ST6GALNAC2: variants seen among roughly 807,000 people sequenced by gnomAD.
ST6GALNAC2 encodes alpha-N-acetylgalactosaminide alpha-2,6-sialyltransferase 2.
Under a neutral mutation model 38.7 loss-of-function variants are expected in ST6GALNAC2, and 42 were observed. The observed-to-expected ratio is 1.09, with a 90% CI of 0.85 to 1.40. ST6GALNAC2 has a LOEUF of 1.40. Ranked by LOEUF, ST6GALNAC2 falls within the 40% of genes most tolerant of loss-of-function variation. The probability of loss-of-function intolerance (pLI) is 0.00; values close to 1 mark genes in which losing one functional copy is unlikely to be tolerated. For synonymous variants in ST6GALNAC2, 233 were observed against 209.0 expected (o/e 1.11, Z -0.99); for missense variants, 506 against 481.7 (o/e 1.05, Z -0.47).
intron 1 of ST6GALNAC2, 49 bp downstream of exon 1, chr17:76,585,635 C>A: frequency 1.4e-6 from 2 of 1,475,012 alleles, no homozygotes; most frequent in South Asian, 1.3e-5. Flanking sequence ...ACCCTCCCCG[C>A]GCCCTGGTCG....
At chr17:76,572,250 C>G (rs2075360412) in intron 5 of ST6GALNAC2, among the ~76,000 whole-genome samples, 1 of 152,132 alleles carries the variant, frequency 6.6e-6, no homozygotes, top group Non-Finnish European at 1.5e-5. Flanking sequence ...CCAAAGAATG[C>G]CAGCTCTCGA....
chr17:76,575,569 G>A (rs912838175), intron 2 of ST6GALNAC2, among the ~76,000 whole-genome samples: 2 of 152,208 alleles, frequency 1.3e-5, no homozygotes, highest in African/African-American at 2.4e-5. Flanking sequence ...CGGAGGGAGC[G>A]TGGCCCTGCC....
chr17:76,567,553 C>G lies in ST6GALNAC2; in HGVS notation c.858-1G>C. 6.2e-7 allele frequency: 1 copy of G among 1,608,690 alleles called. No homozygotes were observed. The highest frequency in any genetic ancestry group is 8.5e-7 in the Non-Finnish European group (1 of 1,175,664). Reference sequence around the variant, plus strand: ...GTTAATCAACTTTGATTTCAAGAACCTGGAAGCAAAAAGAGACATTTCAGC... The same window carrying G: ...GTTAATCAACTTTGATTTCAAGAACGTGGAAGCAAAAAGAGACATTTCAGC... On this transcript the variant is annotated splice_acceptor_variant, in intron 7 of 8. Transcript: ENST00000225276. LOFTEE classifies it high-confidence loss of function.
At chr17:76,584,917 A>C (rs1005403364) in intron 1 of ST6GALNAC2, among the ~76,000 whole-genome samples, 1 of 152,190 alleles carries the variant, frequency 6.6e-6, no homozygotes, top group African/African-American at 2.4e-5. Context: ...CGCCTTTCTT[A>C]AGCTAAGCGA....
Position 76,585,775 on chromosome 17 carries a change from G to T in ST6GALNAC2, c.34C>A (p.Leu12Met). The T allele has an allele frequency of 6.4e-7, 1 of 1,555,350 alleles. No homozygotes were observed. The highest frequency in any genetic ancestry group is 1.9e-5 in the Admixed American group (1 of 52,760). Residue 12 changes from leucine to methionine, a missense_variant, in exon 1 of 9, where the codon CTG becomes ATG. Coordinates refer to ENST00000225276, the MANE Select transcript of ST6GALNAC2 (RefSeq NM_006456.3). ...GLPRGSFFWL[L>M]LLLTAACSGL... ...GAGCAGGCAGCCGTGAGCAGGAGCA[G>T]CAGCCAGAAGAACGACCCGCGCGGG...
rs766287935 is a variant in ST6GALNAC2 at position 76,573,178 on chromosome 17, GCTCCTACCC to G, written c.530+8_530+16del. The G allele has an allele frequency of 8.7e-7, 1 of 1,149,912 alleles. No individual in the cohort carries two copies. Among genetic ancestry groups the G allele is most frequent in the East Asian group, 2.6e-5 (1 of 38,058 alleles). 71.2% of individuals were successfully genotyped at this position (1,149,912 alleles called of 1,614,324 possible). ...CAACTCTCCCTCCCGCCCCTCCCCA[GCTCCTACCC>G]CTCATACCTGAATACATAGTCATGG... On this transcript the variant is annotated splice_region_variant and intron_variant, in intron 4 of 8. Coordinates refer to ENST00000225276, the MANE Select transcript of ST6GALNAC2 (RefSeq NM_006456.3). This position sits in a 1 kb window ranked among gnomAD's most constrained non-coding sequence, Gnocchi z 5.1.
At chr17:76,578,922 C>T (rs2075446865) in intron 1 of ST6GALNAC2, 106 bp from the exon 2 acceptor site, 1 of 935,110 alleles carries the variant, frequency 1.1e-6, no homozygotes, top group Non-Finnish European at 1.6e-6. Flanking sequence ...CAAAGTCTGT[C>T]TGTGCCCATC....
At chr17:76,581,818 T>G (rs528887451) in intron 1 of ST6GALNAC2, among the ~76,000 whole-genome samples, 1 of 152,286 alleles carries the variant, frequency 6.6e-6, no homozygotes, top group South Asian at 2.1e-4. Flanking sequence ...GCTGCGTTTT[T>G]CAGAAAGCTA....
At position 76,566,194 on chromosome 17, in the gene ST6GALNAC2, C is replaced by CA. The variant is rs754681017; in HGVS notation, c.1034dup (p.Leu345PhefsTer36). 2.5e-6 allele frequency: 4 copies of CA among 1,614,106 alleles called. No individual in the cohort carries two copies. Among genetic ancestry groups the CA allele is most frequent in the South Asian group, 1.1e-5 (1 of 91,078 alleles). On this transcript the variant is annotated frameshift_variant, in exon 9 of 9. Transcript: ENST00000225276. LOFTEE classifies it low-confidence loss of function (END_TRUNC). ...ACAGATCGTGGTTTGCATAAAATAT[C>CA]AATGGCTTCATTTTTCGTTCGAAAT...
In ST6GALNAC2 at chr17:76,566,185, A is replaced by C; in HGVS notation, c.1044T>G (p.Tyr348Ter). 1.2e-6 allele frequency: 2 copies of C among 1,614,142 alleles called. No homozygotes were observed. Among genetic ancestry groups the C allele is most frequent in the Non-Finnish European group, 1.7e-6 (2 of 1,180,044 alleles). ...FERKMKPLIF[Y>*]ANHDLSLEAA... is the part of the protein sequence containing the mutation. ...CTTCCAGGGACAGATCGTGGTTTGC[A>C]TAAAATATCAATGGCTTCATTTTTC... Residue 348 changes from tyrosine (Y) to a stop codon, truncating the protein, a stop_gained, in exon 9 of 9, where the codon TAT (tyrosine) becomes TAG (stop). Coordinates refer to ENST00000225276, the MANE Select transcript of ST6GALNAC2 (RefSeq NM_006456.3). LOFTEE classifies it low-confidence loss of function (END_TRUNC).
intron 5 of ST6GALNAC2, among the ~76,000 whole-genome samples, chr17:76,571,450 C>T (rs2075353241): frequency 6.6e-6 from 1 of 152,148 alleles, no homozygotes; most frequent in South Asian, 2.1e-4. Context: ...AAAAATTAGC[C>T]AGGCGTGGTG....
intron 1 of ST6GALNAC2, among the ~76,000 whole-genome samples, chr17:76,579,505 G>A (rs561224242): frequency 1.3e-5 from 2 of 152,298 alleles, no homozygotes; most frequent in East Asian, 3.9e-4. Flanking sequence ...TGTGGGTCAC[G>A]CCCACCACTC....
intron 6 of ST6GALNAC2, chr17:76,569,614 G>A: frequency 7.5e-6 from 3 of 398,696 alleles, no homozygotes; most frequent in Non-Finnish European, 1.3e-5. Context: ...AGACTGGGTA[G>A]GGGATGGATT....
chr17:76,573,466 C>G lies in ST6GALNAC2; in HGVS notation c.362-103G>C, dbSNP rs1318631282. ...GTGCCCCATCTCCCCTGAGGCCTGA[C>G]CCTAGCCCCTCCCAAGAAGCACAGA... On this transcript the variant is annotated intron_variant, in intron 3 of 8. Transcript: ENST00000225276. The surrounding 1 kb of genome is among the most constrained non-coding windows in gnomAD (Gnocchi z 5.1). 1 of 1,145,522 alleles carries G rather than the reference C, an allele frequency of 8.7e-7. No individual in the cohort carries two copies. The highest frequency in any genetic ancestry group is 1.2e-6 in the Non-Finnish European group (1 of 854,292). 71.0% of individuals were successfully genotyped at this position (1,145,522 alleles called of 1,614,324 possible). A position where few individuals can be genotyped will look rare whatever the true frequency, so the allele number is the denominator to read the frequency against.
chr17:76,568,910 G>C (rs1460880285), intron 6 of ST6GALNAC2, 114 bp from the exon 7 acceptor site: 1 of 938,748 alleles, frequency 1.1e-6, no homozygotes, highest in South Asian at 1.4e-5. Flanking sequence ...CGGTAGGAGC[G>C]GGGCTGGGAG....
At chr17:76,585,179 G>C (rs2075530241) in intron 1 of ST6GALNAC2, among the ~76,000 whole-genome samples, 2 of 152,300 alleles carry the variant, frequency 1.3e-5, no homozygotes, top group South Asian at 4.1e-4. Flanking sequence ...AGAAGGGAGC[G>C]GGCGCGGGGC....
chr17:76,566,050 TGA>T lies in ST6GALNAC2; in HGVS notation c.*52_*53del. On this transcript the variant is annotated 3_prime_UTR_variant, in exon 9 of 9. Coordinates refer to ENST00000225276, the MANE Select transcript of ST6GALNAC2 (RefSeq NM_006456.3). ...AAAGTTAAAAAAGCTTTTGGCCACT[TGA>T]GAGGATCAGGGCCGCAACTCTTGAA... is the stretch of plus-strand genomic sequence containing the variant. 5.8e-6 allele frequency: 9 copies of T among 1,558,304 alleles called. No homozygotes were observed. The highest frequency in any genetic ancestry group is 6.9e-6 in the Non-Finnish European group (8 of 1,152,030).
At chr17:76,578,081 G>A (rs919369703) in intron 2 of ST6GALNAC2, among the ~76,000 whole-genome samples, 3 of 152,108 alleles carry the variant, frequency 2.0e-5, no homozygotes, top group East Asian at 1.9e-4. Context: ...CCTGCTTATC[G>A]GCAGCACATG....
chr17:76,568,423 G>GA, intron 7 of ST6GALNAC2: 4 of 472,836 alleles, frequency 8.5e-6, no homozygotes, highest in South Asian at 2.9e-5. Flanking sequence ...CACTGCTGCT[G>GA]TGCACCTTAT....
Sources: gnomAD v4.1 joint callset for allele counts (sites outside exome capture counted in the v4.1 genomes callset) on GRCh38, gnomAD v4.1.1 for gene constraint, Gnocchi (gnomAD v3.1) non-coding constraint, MANE v1.5 for transcripts, NCBI Gene and HGNC (gene_info 2026-07-23, HGNC 2026-07-21) for gene names.